The following ADK variants were observed in gnomAD, a reference collection of about 807,000 sequenced individuals.
The protein encoded by ADK is adenosine kinase, also known as N6,N6-dimethyladenosine kinase.
Under a neutral mutation model 44.7 loss-of-function variants are expected in ADK, and 24 were observed. That is an observed-to-expected ratio of 0.54 (90% confidence interval 0.39 to 0.76). ADK has a LOEUF of 0.76. Among genes scored for constraint, ADK ranks in the 30% least tolerant of loss-of-function variants. ADK has a pLI of 0.00. For missense variants in ADK, 321 were observed against 425.1 expected (o/e 0.76, Z 2.15); for synonymous variants, 128 against 142.6 (o/e 0.90, Z 0.73).
chr10:74,208,236 A>T (rs1406068763), intron 2 of ADK, among the ~76,000 whole-genome samples: 1 of 152,244 alleles, frequency 6.6e-6, no homozygotes, highest in African/African-American at 2.4e-5. Flanking sequence ...GGGTGGCTGC[A>T]GCTGCACTCA....
At chr10:74,696,522 C>A (rs547727297) in intron 10 of ADK, among the ~76,000 whole-genome samples, 1 of 151,456 alleles carries the variant, frequency 6.6e-6, no homozygotes, top group East Asian at 1.9e-4. Context: ...CCCGCCACCA[C>A]CCCCAGCTAA....
chr10:74,245,594 G>GTT (rs11377208), intron 3 of ADK, among the ~76,000 whole-genome samples: 2,833 of 141,192 alleles, frequency 0.02, 58 homozygotes, highest in Non-Finnish European at 0.027. Flanking sequence ...TTTTGTTTTT[G>GTT]TTTTTTTTTT....
chr10:74,697,436 C>A (rs1856247522), intron 10 of ADK, among the ~76,000 whole-genome samples: 1 of 152,030 alleles, frequency 6.6e-6, no homozygotes, highest in Non-Finnish European at 1.5e-5. Flanking sequence ...ACTCAGGAGG[C>A]TGAAGTGGGA....
chr10:74,197,259 A>G (rs1165748894), intron 1 of ADK, among the ~76,000 whole-genome samples: 5 of 152,228 alleles, frequency 3.3e-5, no homozygotes, highest in Non-Finnish European at 7.3e-5. Context: ...AAGATGACAG[A>G]CACACAATTC....
At chr10:74,699,684 T>C (rs1856347643) in intron 10 of ADK, among the ~76,000 whole-genome samples, 1 of 151,986 alleles carries the variant, frequency 6.6e-6, no homozygotes, top group Non-Finnish European at 1.5e-5. Flanking sequence ...ACGATAATAA[T>C]AATTATAAAA....
intron 9 of ADK, among the ~76,000 whole-genome samples, chr10:74,634,955 A>C (rs1026073017): frequency 1.3e-4 from 20 of 152,166 alleles, no homozygotes; most frequent in South Asian, 2.1e-4. Context: ...CAGAAAAAAA[A>C]CCCACAAAAA....
chr10:74,168,014 T>G (rs1476287321), intron 1 of ADK, among the ~76,000 whole-genome samples: 1 of 152,220 alleles, frequency 6.6e-6, no homozygotes, highest in African/African-American at 2.4e-5. Context: ...AAGAAATGAT[T>G]TAAAGTTTAA....
intron 6 of ADK, among the ~76,000 whole-genome samples, chr10:74,480,206 T>TTTTCTTTCTTTCTTTCTTTCTTTCTTTC (rs71024511): frequency 8.2e-4 from 117 of 142,650 alleles, no homozygotes; most frequent in African/African-American, 2.7e-3. Context: ...GGCAGCCTAA[T>TTTTCTTTCTTTCTTTCTTTCTTTCTTTC]TTTCTTTCTT....
At chr10:74,309,312 T>A (rs1418831449) in intron 3 of ADK, among the ~76,000 whole-genome samples, 3 of 152,148 alleles carry the variant, frequency 2.0e-5, no homozygotes, top group African/African-American at 7.2e-5. Flanking sequence ...AACCACAAAG[T>A]GTTTAATTCT....
rs948745745 is a variant in ADK at position 74,532,007 on chromosome 10, G to C, written c.726+6581G>C. On this transcript the variant is annotated intron_variant, in intron 7 of 10. Coordinates refer to ENST00000539909, the MANE Select transcript of ADK (RefSeq NM_006721.4). ...CAGACCAATATCCCTCATAAACACA[G>C]ATGTAAAAATTCTTCAAATAATTTT... Among the ~76,000 whole-genome samples, 6 of 152,108 alleles carry C rather than the reference G, an allele frequency of 3.9e-5. No homozygotes were observed. In the East Asian group the frequency reaches 1.2e-3, roughly 29 times the overall value.
rs928847884 is a variant in ADK, at chr10:74,546,056, T to C, written c.726+20630T>C. On this transcript the variant is annotated intron_variant, in intron 7 of 10. Transcript: ENST00000539909. ...AGGGAAATGCTGGTTAGGAGGTAAA[T>C]TCAATTTACTCTACAAGCAAACTTC... Among the ~76,000 whole-genome samples the C allele has an allele frequency of 7.2e-5, 11 of 152,164 alleles. No homozygotes were observed. In the East Asian group the frequency reaches 1.3e-3, roughly 19 times the overall value.
chr10:74,427,238 G>A (rs561696398), intron 6 of ADK, among the ~76,000 whole-genome samples: 9 of 152,018 alleles, frequency 5.9e-5, no homozygotes, highest in African/African-American at 1.9e-4. Flanking sequence ...TGGCTCTGTC[G>A]CCCAGGTTGG....
At chr10:74,533,083 A>G (rs935518103) in intron 7 of ADK, among the ~76,000 whole-genome samples, 6 of 152,196 alleles carry the variant, frequency 3.9e-5, no homozygotes, top group Non-Finnish European at 2.9e-5. Flanking sequence ...ATAACAAAGT[A>G]TTTACTTTGG....
At chr10:74,514,428 TC>T (rs1848479749) in intron 6 of ADK, among the ~76,000 whole-genome samples, 1 of 152,146 alleles carries the variant, frequency 6.6e-6, no homozygotes, top group Admixed American at 6.5e-5. Flanking sequence ...ATCCCATAAA[TC>T]CTTTAGGCTT....
At chr10:74,448,262 G>A (rs960124714) in intron 6 of ADK, among the ~76,000 whole-genome samples, 2 of 151,800 alleles carry the variant, frequency 1.3e-5, no homozygotes, top group South Asian at 2.1e-4. Context: ...AAGTCCAGCC[G>A]GGGCAACCTA....
At chr10:74,494,279 C>T (rs1421597372) in intron 6 of ADK, among the ~76,000 whole-genome samples, 4 of 152,116 alleles carry the variant, frequency 2.6e-5, no homozygotes, top group Admixed American at 2.0e-4. Flanking sequence ...TATGTACTTA[C>T]CAACTTCCTA....
chr10:74,707,342 T>G (rs1589386351), intron 10 of ADK, among the ~76,000 whole-genome samples: 1 of 152,292 alleles, frequency 6.6e-6, no homozygotes, highest in Non-Finnish European at 1.5e-5. Flanking sequence ...GGCTTATTCT[T>G]AGTAACTTCT....
chr10:74,629,996 C>T (rs1234341274), intron 9 of ADK, among the ~76,000 whole-genome samples: 1 of 151,906 alleles, frequency 6.6e-6, no homozygotes, highest in Non-Finnish European at 1.5e-5. Context: ...ACAAATTAAT[C>T]CTATGGAATA....
intron 3 of ADK, among the ~76,000 whole-genome samples, chr10:74,281,759 T>C (rs1846946362): frequency 6.6e-6 from 1 of 152,248 alleles, no homozygotes. Flanking sequence ...CTGCAAGTTT[T>C]CTGAGAAGTT....
Sources: allele counts gnomAD v4.1 joint callset (sites outside exome capture counted in the v4.1 genomes callset), GRCh38; gene constraint gnomAD v4.1.1; transcripts MANE v1.5; gene names NCBI Gene and HGNC (gene_info 2026-07-23, HGNC 2026-07-21).